Variants in PCDHGB7 observed in about 807,000 individuals in gnomAD.
The protein encoded by PCDHGB7 is protocadherin gamma-B7.
Under a neutral mutation model 61.4 loss-of-function variants are expected in PCDHGB7, and 37 were observed. The observed-to-expected ratio is 0.60, with a 90% CI of 0.46 to 0.79. The LOEUF is 0.79. Ranked by LOEUF, PCDHGB7 falls within the 30% of genes least tolerant of loss-of-function variation. The probability of loss-of-function intolerance (pLI) is 0.00; values close to 1 mark genes in which losing one functional copy is unlikely to be tolerated. For synonymous variants in PCDHGB7, 464 were observed against 503.5 expected (o/e 0.92, Z 1.05); for missense variants, 1,166 against 1,202.5 (o/e 0.97, Z 0.45).
At position 141,491,318 on chromosome 5, in the gene PCDHGB7, A is replaced by C; in HGVS notation, c.2416-3489A>C. The C allele has an allele frequency of 6.2e-7, 1 of 1,613,862 alleles. No individual in the cohort carries two copies. The highest frequency in any genetic ancestry group is 8.5e-7 in the Non-Finnish European group (1 of 1,179,916). On this transcript the variant is annotated intron_variant, in intron 1 of 3. Transcript: ENST00000398594. The surrounding 1 kb of genome is among the most constrained non-coding windows in gnomAD (Gnocchi z 6.9). ...CCTGAGCGTTCAGACCTTACCCTTT[A>C]CCTCATTGTGGCTCTAGCGACCGTC...
intron 3 of PCDHGB7, among the ~76,000 whole-genome samples, chr5:141,510,375 G>A (rs980966602): frequency 3.4e-5 from 5 of 148,132 alleles, no homozygotes; most frequent in East Asian, 2.0e-4. Context: ...ATCTCTACTC[G>A]TGCCAGGCCT....
intron 1 of PCDHGB7, among the ~76,000 whole-genome samples, chr5:141,457,215 T>C (rs1356941645): frequency 1.3e-5 from 2 of 152,186 alleles, no homozygotes; most frequent in South Asian, 2.1e-4. Flanking sequence ...AAATGTGGTG[T>C]GGTAGGTAAT....
At chr5:141,447,950 G>T (rs1195519095) in intron 1 of PCDHGB7, among the ~76,000 whole-genome samples, 1 of 152,052 alleles carries the variant, frequency 6.6e-6, no homozygotes, top group Non-Finnish European at 1.5e-5. Flanking sequence ...GCTGGGCATG[G>T]TGGCGGACAC....
At chr5:141,423,558 G>A (rs770532900) in intron 1 of PCDHGB7, 1 of 1,613,462 alleles carries the variant, frequency 6.2e-7, no homozygotes, top group African/African-American at 1.3e-5. Flanking sequence ...CCAACTATGG[G>A]GACACGCTCA....
At chr5:141,464,327 C>G (rs893319708) in intron 1 of PCDHGB7, among the ~76,000 whole-genome samples, 15 of 150,890 alleles carry the variant, frequency 9.9e-5, no homozygotes, top group African/African-American at 3.7e-4. Flanking sequence ...TCTGTTCAAC[C>G]CATCTATGAC....
At chr5:141,504,570 AC>A (rs1468526948) in intron 2 of PCDHGB7, among the ~76,000 whole-genome samples, 1 of 148,874 alleles carries the variant, frequency 6.7e-6, no homozygotes, top group Admixed American at 6.9e-5. Flanking sequence ...ATTCTAGGGA[AC>A]ACCATCTGCC....
chr5:141,495,005 C>A, intron 2 of PCDHGB7, 140 bp downstream of exon 2: 1 of 1,522,810 alleles, frequency 6.6e-7, no homozygotes. Context: ...TCTTGGTGTG[C>A]GGGGGGCTGG....
At chr5:141,421,979 G>C in intron 1 of PCDHGB7, 1 of 1,609,702 alleles carries the variant, frequency 6.2e-7, no homozygotes, top group Non-Finnish European at 8.5e-7. Flanking sequence ...TATCGCGTGA[G>C]TGTTCCAGAA....
In PCDHGB7 at chr5:141,423,089, G is replaced by C. The variant is rs201821221; in HGVS notation, c.2415+2815G>C. The stretch of plus-strand genomic sequence containing the variant: ...AGCGAGCCGGGACTCTTCGCGGTGG[G>C]GGAGCACACGGGCGAGGTGCGTACA... On this transcript the variant is annotated intron_variant, in intron 1 of 3. Transcript: ENST00000398594. 4.0e-5 allele frequency: 65 copies of C among 1,614,016 alleles called. No individual in the cohort carries two copies. In the African/African-American group the frequency reaches 7.2e-4, roughly 18 times the overall value.
At position 141,491,561 on chromosome 5, in the gene PCDHGB7, A is replaced by C. The variant is rs1289732955; in HGVS notation, c.2416-3246A>C. The C allele has an allele frequency of 1.2e-6, 2 of 1,613,938 alleles. No homozygotes were observed. Among genetic ancestry groups the C allele is most frequent in the Admixed American group, 3.3e-5 (2 of 60,016 alleles). On this transcript the variant is annotated intron_variant, in intron 1 of 3. Transcript: ENST00000398594. This position sits in a 1 kb window ranked among gnomAD's most constrained non-coding sequence, Gnocchi z 6.9. ...CCCACAGACTCGCAGAGCCACTGCT[A>C]CAGGACGTGCTTTTCACCGGCCTCG...
chr5:141,420,311 T>G (rs762191274), intron 1 of PCDHGB7, 37 bp downstream of exon 1: 1 of 1,454,814 alleles, frequency 6.9e-7, no homozygotes, highest in Non-Finnish European at 9.3e-7. Flanking sequence ...CTTTTTATAT[T>G]ACAATATGCC....
chr5:141,505,803 C>A (rs920849273), intron 3 of PCDHGB7, among the ~76,000 whole-genome samples: 2 of 152,234 alleles, frequency 1.3e-5, no homozygotes, highest in African/African-American at 4.8e-5. Flanking sequence ...GGACTTGGAT[C>A]GACTTGCTCA....
rs374655655 is a variant in PCDHGB7, at chr5:141,431,023, C to A, written c.2415+10749C>A. 1 of 1,613,748 alleles carries A rather than the reference C, an allele frequency of 6.2e-7. No homozygotes were observed. The highest frequency in any genetic ancestry group is 2.2e-5 in the East Asian group (1 of 44,862). On this transcript the variant is annotated intron_variant, in intron 1 of 3. Coordinates refer to ENST00000398594, the MANE Select transcript of PCDHGB7 (RefSeq NM_018927.4). The surrounding 1 kb of genome is among the most constrained non-coding windows in gnomAD (Gnocchi z 4.8). ...GCAGCGGCAGCTTGGTCACGGCGGG[C>A]AGGATAGACCGGGAGGAGCTCTGTA...
At chr5:141,463,741 C>T (rs1011021860) in intron 1 of PCDHGB7, among the ~76,000 whole-genome samples, 3 of 152,034 alleles carry the variant, frequency 2.0e-5, no homozygotes, top group Admixed American at 1.3e-4. Context: ...CCACCGCGCC[C>T]GGCCTGCTTC....
At chr5:141,443,126 A>G (rs972396091) in intron 1 of PCDHGB7, among the ~76,000 whole-genome samples, 1 of 152,190 alleles carries the variant, frequency 6.6e-6, no homozygotes, top group Non-Finnish European at 1.5e-5. Context: ...AACCAGATTA[A>G]GAACACTATC....
rs2099609528 is a variant in PCDHGB7 at position 141,485,211 on chromosome 5, G to A, written c.2416-9596G>A. 6.2e-7 allele frequency: 1 copy of A among 1,614,126 alleles called. No individual in the cohort carries two copies. The highest frequency in any genetic ancestry group is 8.5e-7 in the Non-Finnish European group (1 of 1,179,980). Reference sequence around the variant, plus strand: ...GTGAGAAGCTGGACAGAAATCTGGCGGTGGGCTACCCTTTTGTTCCTCTTT... The same window carrying A: ...GTGAGAAGCTGGACAGAAATCTGGCAGTGGGCTACCCTTTTGTTCCTCTTT... On this transcript the variant is annotated intron_variant, in intron 1 of 3. Transcript: ENST00000398594. This position sits in a 1 kb window ranked among gnomAD's most constrained non-coding sequence, Gnocchi z 5.7.
intron 1 of PCDHGB7, among the ~76,000 whole-genome samples, chr5:141,425,382 G>A (rs1455106607): frequency 1.3e-5 from 2 of 152,208 alleles, no homozygotes; most frequent in African/African-American, 4.8e-5. Context: ...TTGATTCGGA[G>A]GTAGTGATAA....
chr5:141,481,475 C>T (rs1423011632), intron 1 of PCDHGB7, among the ~76,000 whole-genome samples: 1 of 152,200 alleles, frequency 6.6e-6, no homozygotes, highest in Non-Finnish European at 1.5e-5. Context: ...TTGGATTATA[C>T]ACTTTAAATA....
In PCDHGB7 at chr5:141,426,967, T is replaced by C. The variant is rs151241654; in HGVS notation, c.2415+6693T>C. 124 of 456,702 alleles carry C rather than the reference T, an allele frequency of 2.7e-4. 1 individual carries two copies. The highest frequency in any genetic ancestry group is 2.1e-3 in the African/African-American group (103 of 50,178). 28.3% of individuals were successfully genotyped at this position (456,702 alleles called of 1,614,324 possible). A position where few individuals can be genotyped will look rare whatever the true frequency, so the allele number is the denominator to read the frequency against. On this transcript the variant is annotated intron_variant, in intron 1 of 3. Coordinates refer to ENST00000398594, the MANE Select transcript of PCDHGB7 (RefSeq NM_018927.4). ...CCAACTGGCACTGCTGCAATTCAAA[T>C]TGAGGTCACTGATGCCAACGATAAT... is the stretch of plus-strand genomic sequence containing the variant.
Sources: allele counts gnomAD v4.1 joint callset (sites outside exome capture counted in the v4.1 genomes callset), GRCh38; gene constraint gnomAD v4.1.1; non-coding constraint Gnocchi (gnomAD v3.1); transcripts MANE v1.5; gene names NCBI Gene and HGNC (gene_info 2026-07-23, HGNC 2026-07-21).